Variants in SNAP47 observed in about 807,000 individuals in gnomAD.
SNAP47 encodes synaptosomal-associated protein 47.
SNAP47 carries 20 observed loss-of-function variants against 31.4 expected under a neutral mutation model. The observed-to-expected ratio is 0.64, with a 90% CI of 0.45 to 0.93. The LOEUF (loss-of-function observed/expected upper bound fraction) is 0.93, where lower values mean the gene tolerates loss of function less well. Ranked by LOEUF, SNAP47 falls within the 40% of genes least tolerant of loss-of-function variation. The pLI, the probability that SNAP47 is intolerant of heterozygous loss-of-function variation, is 0.00. For missense variants in SNAP47, 492 were observed against 528.5 expected (o/e 0.93, Z 0.68); for synonymous variants, 194 against 213.4 (o/e 0.91, Z 0.79).
intron 1 of SNAP47, 100 bp downstream of exon 1, chr1:227,735,599 C>G: frequency 7.5e-7 from 1 of 1,327,682 alleles, no homozygotes; most frequent in Non-Finnish European, 9.6e-7. Flanking sequence ...AGCCCGAGCC[C>G]TCCTTCCCGC....
upstream of SNAP47, chr1:227,733,966 G>C (rs1389399877): frequency 6.2e-6 from 10 of 1,613,948 alleles, no homozygotes; most frequent in Non-Finnish European, 8.5e-6. Context: ...GTGCATCCCA[G>C]AACTCATTCA....
In SNAP47 at chr1:227,758,978, TTTG is replaced by T; in HGVS notation, c.498-14_498-12del. On this transcript the variant is annotated splice_polypyrimidine_tract_variant and intron_variant, in intron 2 of 4. Transcript: ENST00000617596. Reference sequence around the variant, plus strand: ...AATGAACTGATCCAGTTTTCCATGTTTTGTTTGCTTTTTCAGATTGCTGACAGA... The same window carrying T: ...AATGAACTGATCCAGTTTTCCATGTTTTTGCTTTTTCAGATTGCTGACAGA... 6.4e-7 allele frequency: 1 copy of T among 1,560,690 alleles called. No individual in the cohort carries two copies. Among genetic ancestry groups the T allele is most frequent in the Non-Finnish European group, 8.6e-7 (1 of 1,157,646 alleles).
At chr1:227,780,476 T>C (rs1664399692) in intron 4 of SNAP47, 51 bp from the exon 5 acceptor site, 1 of 1,609,520 alleles carries the variant, frequency 6.2e-7, no homozygotes, top group Non-Finnish European at 8.5e-7. Flanking sequence ...TTGTCTGTGC[T>C]AGAGTTTGCA....
rs141167362 is a variant in SNAP47 at position 227,753,718 on chromosome 1, T to C, written c.498-5277T>C. Among the ~76,000 whole-genome samples the C allele has an allele frequency of 2.7e-4, 41 of 152,084 alleles. No individual in the cohort carries two copies. In the East Asian group the frequency reaches 7.0e-3, roughly 26 times the overall value. Reference sequence around the variant, plus strand: ...TTGCAAAATCATGGTGGTTCTGAAATAGGAAAGGTTCCCTTGTCCCCCTCA... The same window carrying C: ...TTGCAAAATCATGGTGGTTCTGAAACAGGAAAGGTTCCCTTGTCCCCCTCA... On this transcript the variant is annotated intron_variant, in intron 2 of 4. Coordinates refer to ENST00000617596, the MANE Select transcript of SNAP47 (RefSeq NM_053052.4).
At chr1:227,735,391 G>T (rs1445201722), upstream of SNAP47, 2 of 1,582,740 alleles carry the variant, frequency 1.3e-6, no homozygotes, top group Admixed American at 3.4e-5. Flanking sequence ...CCAGCGCCTG[G>T]GGCTCCGGGC....
chr1:227,739,187 G>T (rs1156901492), intron 1 of SNAP47, among the ~76,000 whole-genome samples: 1 of 152,088 alleles, frequency 6.6e-6, no homozygotes, highest in Non-Finnish European at 1.5e-5. Context: ...TTAAAACGGG[G>T]TCTTCCTCTG....
intron 2 of SNAP47, among the ~76,000 whole-genome samples, chr1:227,752,560 G>A (rs1662446927): frequency 6.6e-6 from 1 of 152,148 alleles, no homozygotes; most frequent in South Asian, 2.1e-4. Context: ...GAAATGGCAG[G>A]ATTTCCTTCT....
intron 1 of SNAP47, among the ~76,000 whole-genome samples, chr1:227,740,280 A>G (rs531030142): frequency 1.2e-4 from 18 of 152,336 alleles, no homozygotes; most frequent in African/African-American, 4.3e-4. Context: ...CAGGTCCTGC[A>G]GAGTCCATGA....
chr1:227,776,614 A>G (rs1463283448), intron 4 of SNAP47: 4 of 985,352 alleles, frequency 4.1e-6, no homozygotes, highest in Middle Eastern at 5.2e-4. Context: ...CACATTCTCC[A>G]TTCTTTCCAT....
rs150966260 is a variant in SNAP47, at chr1:227,736,986, G to T, written c.-46+1487G>T. On this transcript the variant is annotated intron_variant, in intron 1 of 4. Coordinates refer to ENST00000617596, the MANE Select transcript of SNAP47 (RefSeq NM_053052.4). ...TTCAGGAATTTGGCTCAGGGCCAAGGCCGTTTTCTTTGTAGTAAACCTAGA... is the reference window on the plus strand; with the variant it reads ...TTCAGGAATTTGGCTCAGGGCCAAGTCCGTTTTCTTTGTAGTAAACCTAGA... 4.7e-3 allele frequency among the ~76,000 whole-genome samples: 714 copies of T among 152,316 alleles called. 3 individuals carry two copies. Among genetic ancestry groups the T allele is most frequent in the Middle Eastern group, 6.8e-3 (2 of 294 alleles).
chr1:227,780,809 C>T lies in SNAP47; in HGVS notation c.*136C>T, dbSNP rs1331098357. On this transcript the variant is annotated 3_prime_UTR_variant, in exon 5 of 5. Transcript: ENST00000617596. ...TCTGGATGGGGCTGCTACTGTGGGG[C>T]TGCTTCTGCACCAGGGGCCTCCCCA... 1 of 1,272,886 alleles carries T rather than the reference C, an allele frequency of 7.9e-7. No individual in the cohort carries two copies. Among genetic ancestry groups the T allele is most frequent in the Non-Finnish European group, 1.1e-6 (1 of 936,514 alleles). The allele number at this position is 1,272,886 out of a possible 1,614,324, so 78.8% of individuals were successfully genotyped here.
intron 3 of SNAP47, 128 bp downstream of exon 3, chr1:227,759,613 G>A (rs1390249758): frequency 7.0e-6 from 9 of 1,280,642 alleles, no homozygotes; most frequent in Non-Finnish European, 9.7e-6. Context: ...GCTTGCTAGA[G>A]ACAGCTCGTT....
upstream of SNAP47, among the ~76,000 whole-genome samples, chr1:227,728,315 C>G (rs570085979): frequency 2.6e-5 from 4 of 152,088 alleles, no homozygotes; most frequent in South Asian, 6.2e-4. Flanking sequence ...GGTTTCTTGG[C>G]TGGGGCTGCA....
rs1161339325 is a variant in SNAP47, at chr1:227,728,795, C to CA, written c.-95+11dup. 5 of 152,266 alleles carry CA rather than the reference C, an allele frequency of 3.3e-5. No homozygotes were observed. The East Asian group carries it at 9.7e-4, about 30-fold the overall frequency. The allele number at this position is 152,266 out of a possible 1,614,324, so 9.4% of individuals were successfully genotyped here. A position where few individuals can be genotyped will look rare whatever the true frequency, so the allele number is the denominator to read the frequency against. On this transcript the variant is annotated intron_variant, in intron 1 of 3. Transcript: ENST00000366760. The stretch of plus-strand genomic sequence containing the variant: ...GATGGCCGGATTTGAAGGTAATACC[C>CA]AAGACCCCGATTCCCGACAGGAGAG...
chr1:227,766,242 G>A (rs998575358), intron 3 of SNAP47, among the ~76,000 whole-genome samples: 5 of 152,196 alleles, frequency 3.3e-5, no homozygotes, highest in East Asian at 1.9e-4. Flanking sequence ...CGTAAATGAC[G>A]GCTGCACCAG....
At chr1:227,736,655 A>G (rs1319991857) in intron 1 of SNAP47, among the ~76,000 whole-genome samples, 1 of 146,610 alleles carries the variant, frequency 6.8e-6, no homozygotes, top group South Asian at 2.2e-4. Context: ...ATGAGCCACT[A>G]TGCCCAGCTT....
chr1:227,742,588 A>T (rs898068692), intron 1 of SNAP47, among the ~76,000 whole-genome samples: 1 of 152,202 alleles, frequency 6.6e-6, no homozygotes, highest in Non-Finnish European at 1.5e-5. Context: ...ATACCTCCCA[A>T]CCATGCCTGC....
rs1301789379 is a variant in SNAP47 at position 227,762,900 on chromosome 1, G to A, written c.988+3415G>A. On this transcript the variant is annotated intron_variant, in intron 3 of 4. Coordinates refer to ENST00000617596, the MANE Select transcript of SNAP47 (RefSeq NM_053052.4). This position sits in a 1 kb window ranked among gnomAD's most constrained non-coding sequence, Gnocchi z 4.2. ...GTTTGGGAGGAAGGCCACAGGGTGA[G>A]GTTTCCTTCCCACACATCCTACCAA... Among the ~76,000 whole-genome samples, 1 of 152,112 alleles carries A rather than the reference G, an allele frequency of 6.6e-6. No individual in the cohort carries two copies. The highest frequency in any genetic ancestry group is 6.5e-5 in the Admixed American group (1 of 15,282).
upstream of SNAP47, chr1:227,730,554 T>TC (rs1207186987): frequency 6.6e-6 from 1 of 152,200 alleles, no homozygotes; most frequent in Non-Finnish European, 1.5e-5. Flanking sequence ...CCACAGAGCT[T>TC]CTGGCATTTG....
Sources: allele counts gnomAD v4.1 joint callset (sites outside exome capture counted in the v4.1 genomes callset), GRCh38; gene constraint gnomAD v4.1.1; non-coding constraint Gnocchi (gnomAD v3.1); transcripts MANE v1.5; gene names NCBI Gene and HGNC (gene_info 2026-07-23, HGNC 2026-07-21).